The following ERC2 variants were observed in gnomAD, a reference collection of about 807,000 sequenced individuals.
ERC2 encodes ELKS/RAB6-interacting/CAST family member 2.
ERC2 carries 42 observed loss-of-function variants against 114.8 expected under a neutral mutation model. The ratio of observed to expected loss-of-function variants is 0.37; its 90% CI spans 0.29 to 0.47. The LOEUF (loss-of-function observed/expected upper bound fraction) is 0.47, where lower values mean the gene tolerates loss of function less well. Among genes scored for constraint, ERC2 ranks in the 20% least tolerant of loss-of-function variants. The pLI is 0.99. For synonymous variants in ERC2, 454 were observed against 425.5 expected (o/e 1.07, Z -0.82); for missense variants, 939 against 1,150.7 (o/e 0.82, Z 2.66).
At chr3:55,601,167 C>T (rs772064115) in intron 17 of ERC2, among the ~76,000 whole-genome samples, 10 of 152,170 alleles carry the variant, frequency 6.6e-5, no homozygotes, top group Non-Finnish European at 1.2e-4. Context: ...GGGAATATAG[C>T]TCGCTATAAC....
At chr3:56,169,594 A>G (rs2082521615) in intron 4 of ERC2, among the ~76,000 whole-genome samples, 1 of 152,172 alleles carries the variant, frequency 6.6e-6, no homozygotes, top group South Asian at 2.1e-4. Context: ...GGAATGAGAG[A>G]AAATGGGATC....
intron 3 of ERC2, among the ~76,000 whole-genome samples, chr3:56,178,099 T>C (rs2150036148): frequency 6.6e-6 from 1 of 152,252 alleles, no homozygotes; most frequent in East Asian, 1.9e-4. Flanking sequence ...GCATGAAATC[T>C]CAAGTGGTTC....
At chr3:55,830,276 G>A (rs112140931) in intron 14 of ERC2, among the ~76,000 whole-genome samples, 209 of 152,110 alleles carry the variant, frequency 1.4e-3, no homozygotes, top group African/African-American at 4.9e-3. Flanking sequence ...CATGATAAAG[G>A]CAAATTCAGA....
At chr3:56,159,223 A>G (rs936071370) in intron 4 of ERC2, among the ~76,000 whole-genome samples, 54 of 152,230 alleles carry the variant, frequency 3.5e-4, no homozygotes, top group African/African-American at 1.2e-3. Context: ...TGCTTCCTCT[A>G]CAGCCTGCAA....
intron 13 of ERC2, among the ~76,000 whole-genome samples, chr3:55,944,427 A>G (rs574438439): frequency 1.4e-4 from 21 of 152,364 alleles, no homozygotes; most frequent in African/African-American, 4.8e-4. Flanking sequence ...GAAAGCCTAT[A>G]TGAAGTGGAG....
chr3:55,731,574 G>C (rs1192290593), intron 15 of ERC2, among the ~76,000 whole-genome samples: 1 of 152,184 alleles, frequency 6.6e-6, no homozygotes, highest in Non-Finnish European at 1.5e-5. Context: ...GATAATAAAT[G>C]TTAGAAACAG....
intron 14 of ERC2, among the ~76,000 whole-genome samples, chr3:55,826,153 A>C (rs1381207324): frequency 1.3e-5 from 2 of 152,346 alleles, no homozygotes; most frequent in East Asian, 3.9e-4. Flanking sequence ...AAGCTACTTT[A>C]ACTGAAGCAA....
chr3:55,585,197 T>A (rs1314897607), intron 17 of ERC2, among the ~76,000 whole-genome samples: 4 of 152,226 alleles, frequency 2.6e-5, no homozygotes, highest in African/African-American at 7.2e-5. Context: ...AGCACCCGGT[T>A]TGGCCTCCAC....
intron 1 of ERC2, among the ~76,000 whole-genome samples, chr3:56,463,104 T>C (rs1394188975): frequency 6.6e-6 from 1 of 152,116 alleles, no homozygotes; most frequent in Non-Finnish European, 1.5e-5. Context: ...AGTGCGCACC[T>C]GTAGTTCCAG....
rs2066718973 is a variant in ERC2, at chr3:55,751,761, T to C, written c.2565-16843A>G. Among the ~76,000 whole-genome samples, 3 of 152,232 alleles carry C rather than the reference T, an allele frequency of 2.0e-5. No individual in the cohort carries two copies. The South Asian group carries it at 6.2e-4, about 32-fold the overall frequency. ...AATGGCCTGGGCTCCCTCATACCCATCTCTGACAGTGTTGGTACAAACAAC... is the reference window on the plus strand; with the variant it reads ...AATGGCCTGGGCTCCCTCATACCCACCTCTGACAGTGTTGGTACAAACAAC... On this transcript the variant is annotated intron_variant, in intron 14 of 17. Coordinates refer to ENST00000288221, the MANE Select transcript of ERC2 (RefSeq NM_015576.3).
At chr3:55,736,843 A>G (rs2065666066) in intron 14 of ERC2, among the ~76,000 whole-genome samples, 2 of 152,182 alleles carry the variant, frequency 1.3e-5, no homozygotes, top group African/African-American at 4.8e-5. Flanking sequence ...TTTTATGACC[A>G]CATCTGTCAC....
intron 16 of ERC2, among the ~76,000 whole-genome samples, chr3:55,687,193 G>A (rs1475873685): frequency 6.6e-6 from 1 of 152,200 alleles, no homozygotes; most frequent in Non-Finnish European, 1.5e-5. Flanking sequence ...AAGGGACTGA[G>A]TCATCGTTGA....
chr3:55,915,910 A>G (rs1365806979), intron 13 of ERC2, among the ~76,000 whole-genome samples: 3 of 152,216 alleles, frequency 2.0e-5, no homozygotes. Context: ...ATCTTTAAAA[A>G]ATGATTACAG....
Position 56,296,395 on chromosome 3 carries a change from C to T in ERC2, c.698G>A (p.Arg233Gln), listed in dbSNP as rs747730160. 1.3e-5 allele frequency: 21 copies of T among 1,613,684 alleles called. No homozygotes were observed. Among genetic ancestry groups the T allele is most frequent in the South Asian group, 2.2e-5 (2 of 91,066 alleles). ...LTIQALQDEL[R>Q]TQRDLNHLLQ... Reference sequence around the variant, plus strand: ...GAGGTGGTTGAGGTCTCTCTGGGTTCGCAGCTCATCTTGAAGGGCCTGGAT... The same window carrying T: ...GAGGTGGTTGAGGTCTCTCTGGGTTTGCAGCTCATCTTGAAGGGCCTGGAT... The change falls in exon 3 of 18, where the codon CGA becomes CAA. Residue 233 changes from arginine (R) to glutamine (Q), a missense_variant. Arg to Gln is a conservative substitution (Grantham distance 43). Around this residue, in one of 5 missense-constraint regions of ERC2, gnomAD observed 281 missense variants for 307.4 expected, o/e 0.91. Coordinates refer to ENST00000288221, the MANE Select transcript of ERC2 (RefSeq NM_015576.3).
chr3:56,098,421 A>G (rs1159176990), intron 6 of ERC2, among the ~76,000 whole-genome samples: 1 of 152,136 alleles, frequency 6.6e-6, no homozygotes, highest in African/African-American at 2.4e-5. Flanking sequence ...GCCAGGAAGG[A>G]CATAAATGAC....
intron 2 of ERC2, among the ~76,000 whole-genome samples, chr3:56,433,457 G>A (rs768434584): frequency 1.2e-4 from 19 of 152,212 alleles, no homozygotes; most frequent in Non-Finnish European, 2.5e-4. Context: ...CAAGAGCAAG[G>A]GCATGGCAGT....
At position 56,372,494 on chromosome 3, in the gene ERC2, G is replaced by A. The variant is rs2059393444; in HGVS notation, c.657+61857C>T. ...TATAATTCCAACACTTTGGGAGGCT[G>A]AGGCAGGCAGATCGCTTGAGCCCAG... On this transcript the variant is annotated intron_variant, in intron 2 of 17. Transcript: ENST00000288221. Among the ~76,000 whole-genome samples the A allele has an allele frequency of 2.6e-5, 4 of 152,114 alleles. 1 individual carries two copies. The South Asian group carries it at 8.3e-4, about 32-fold the overall frequency.
chr3:55,830,404 A>C (rs2060516792), intron 14 of ERC2, among the ~76,000 whole-genome samples: 1 of 152,222 alleles, frequency 6.6e-6, no homozygotes, highest in South Asian at 2.1e-4. Context: ...AATATCTTGG[A>C]AATATAATGG....
At chr3:56,158,645 T>C (rs548536465) in intron 4 of ERC2, among the ~76,000 whole-genome samples, 1 of 152,058 alleles carries the variant, frequency 6.6e-6, no homozygotes, top group Non-Finnish European at 1.5e-5. Flanking sequence ...AGCTGAAGCA[T>C]AGAGAAGCAG....
Sources: allele counts gnomAD v4.1 joint callset (sites outside exome capture counted in the v4.1 genomes callset), GRCh38; gene constraint gnomAD v4.1.1; regional missense constraint gnomAD v4.1.1; transcripts MANE v1.5; gene names NCBI Gene and HGNC (gene_info 2026-07-23, HGNC 2026-07-21).